Variants in SLIT3 observed in about 807,000 individuals in gnomAD.
The protein encoded by SLIT3 is slit guidance ligand 3.
Under a neutral mutation model 184.0 loss-of-function variants are expected in SLIT3, and 68 were observed. That is an observed-to-expected ratio of 0.37 (90% CI 0.30 to 0.45). The LOEUF (loss-of-function observed/expected upper bound fraction) is 0.45. SLIT3 is among the 20% of genes least tolerant of loss of function. The pLI is 1.00. For synonymous variants in SLIT3, 831 were observed against 828.6 expected, an observed-to-expected ratio of 1.00 and a Z score of -0.05; for missense variants, 1,707 against 2,026.0, an observed-to-expected ratio of 0.84 and a Z score of 3.02.
intron 4 of SLIT3, among the ~76,000 whole-genome samples, chr5:168,990,210 T>C (rs1419446084): frequency 6.6e-6 from 1 of 152,178 alleles, no homozygotes; most frequent in Non-Finnish European, 1.5e-5. Context: ...TTGCAAAGCA[T>C]AGCCACGAGC....
At chr5:168,979,345 A>T (rs1048178492) in intron 4 of SLIT3, among the ~76,000 whole-genome samples, 5 of 152,186 alleles carry the variant, frequency 3.3e-5, no homozygotes, top group Non-Finnish European at 7.3e-5. Flanking sequence ...AAGCAATGAG[A>T]AAACAAGACA....
chr5:168,926,675 A>T (rs1274343881), intron 4 of SLIT3, among the ~76,000 whole-genome samples: 1 of 152,218 alleles, frequency 6.6e-6, no homozygotes, highest in Non-Finnish European at 1.5e-5. Flanking sequence ...AAACAACATG[A>T]TTAAAAAATG....
chr5:168,959,039 G>A (rs183755027), intron 4 of SLIT3, among the ~76,000 whole-genome samples: 198 of 152,396 alleles, frequency 1.3e-3, no homozygotes, highest in Non-Finnish European at 2.2e-3. Context: ...ATGTGGCCAT[G>A]CCACCCTTCC....
At chr5:169,010,099 C>T (rs79508805) in intron 4 of SLIT3, among the ~76,000 whole-genome samples, 2,152 of 152,254 alleles carry the variant, frequency 0.014, 99 homozygotes, top group East Asian at 0.09. Context: ...AAAAGCATAG[C>T]TGGGTGCTTT....
At chr5:169,151,836 T>C (rs1762127477) in intron 4 of SLIT3, among the ~76,000 whole-genome samples, 2 of 152,174 alleles carry the variant, frequency 1.3e-5, no homozygotes, top group Non-Finnish European at 2.9e-5. Context: ...TGGTGAAGGC[T>C]TTGGAGATGC....
At chr5:168,938,098 CACA>C (rs1476562692) in intron 4 of SLIT3, among the ~76,000 whole-genome samples, 6 of 152,186 alleles carry the variant, frequency 3.9e-5, no homozygotes, top group Non-Finnish European at 1.5e-5. Context: ...ACCAATATAT[CACA>C]ACAATTTTCT....
rs77934415 is a variant in SLIT3 at position 168,869,835 on chromosome 5, A to T, written c.485+13430T>A. Among the ~76,000 whole-genome samples, 87 of 152,352 alleles carry T rather than the reference A, an allele frequency of 5.7e-4. 1 individual carries two copies. The East Asian group carries it at 0.016, about 28-fold the overall frequency. The stretch of plus-strand genomic sequence containing the variant: ...CAGACACAGTACCCAGGAACGGATC[A>T]TTGGCATTTAAAAGTAATTTAGGTT... On this transcript the variant is annotated intron_variant, in intron 5 of 35. Transcript: ENST00000519560.
At chr5:169,013,429 T>A (rs1233240094) in intron 4 of SLIT3, 2 of 152,220 alleles carry the variant, frequency 1.3e-5, no homozygotes, top group African/African-American at 2.4e-5. Context: ...GAAAACCTCT[T>A]CTGGGGGAAG....
At chr5:169,120,925 A>G (rs1163301796) in intron 4 of SLIT3, among the ~76,000 whole-genome samples, 2 of 152,128 alleles carry the variant, frequency 1.3e-5, no homozygotes, top group Non-Finnish European at 2.9e-5. Flanking sequence ...ACCCTTTCTT[A>G]TAAGCCCAGC....
intron 1 of SLIT3, among the ~76,000 whole-genome samples, chr5:169,257,325 C>T (rs1207040722): frequency 2.6e-5 from 4 of 151,842 alleles, no homozygotes. Context: ...TGAATGACTG[C>T]ATGAAACAGA....
At chr5:169,273,345 T>G (rs971335002) in intron 1 of SLIT3, among the ~76,000 whole-genome samples, 1 of 152,172 alleles carries the variant, frequency 6.6e-6, no homozygotes, top group Non-Finnish European at 1.5e-5. Context: ...GAGAGAGAGA[T>G]GATCACTCTG....
chr5:169,212,464 T>C (rs1764297697), intron 3 of SLIT3, among the ~76,000 whole-genome samples: 1 of 130,240 alleles, frequency 7.7e-6, no homozygotes, highest in Admixed American at 8.6e-5. Context: ...TTTGTTGGGG[T>C]TGTATGTTTT....
intron 5 of SLIT3, among the ~76,000 whole-genome samples, chr5:168,873,582 G>A (rs1025094682): frequency 6.6e-6 from 1 of 151,978 alleles, no homozygotes; most frequent in Non-Finnish European, 1.5e-5. Flanking sequence ...GTAAGCCAAG[G>A]TCCTGCCACT....
At chr5:168,804,741 T>C (rs1254977586) in intron 9 of SLIT3, among the ~76,000 whole-genome samples, 1 of 152,118 alleles carries the variant, frequency 6.6e-6, no homozygotes, top group Non-Finnish European at 1.5e-5. Context: ...GCTGGCAAAG[T>C]AGGTGAAGAA....
intron 2 of SLIT3, among the ~76,000 whole-genome samples, chr5:169,250,870 C>G (rs1299273175): frequency 6.6e-6 from 1 of 152,176 alleles, no homozygotes; most frequent in African/African-American, 2.4e-5. Flanking sequence ...GCAATGAAAC[C>G]TAATATTCCT....
At chr5:169,204,128 G>T (rs936750764) in intron 3 of SLIT3, among the ~76,000 whole-genome samples, 1 of 152,088 alleles carries the variant, frequency 6.6e-6, no homozygotes, top group South Asian at 2.1e-4. Flanking sequence ...CCAGTGTGGT[G>T]GGGGAGAAGC....
chr5:168,674,844 G>A (rs1761359673), intron 32 of SLIT3, among the ~76,000 whole-genome samples: 1 of 151,356 alleles, frequency 6.6e-6, no homozygotes, highest in Non-Finnish European at 1.5e-5. Flanking sequence ...GTCTCTAACA[G>A]GGCCAAGAGC....
In SLIT3 at chr5:168,795,537, G is replaced by C. The variant is rs1044581222; in HGVS notation, c.977C>G (p.Ala326Gly). ...QNSIKAIPAG[A>G]FTQYKKLKRI... ...CTTCAGTTTCTTGTACTGGGTGAAG[G>C]CTCCTGCAGGGATGGCTTTGATGGA... Residue 326 changes from alanine (A) to glycine (G), a missense_variant, in exon 10 of 36, where the codon GCC becomes GGC. By Grantham distance (60) the Ala-to-Gly change is moderately conservative. Transcript: ENST00000519560. 33 of 1,613,804 alleles carry C rather than the reference G, an allele frequency of 2.0e-5. No homozygotes were observed. Among genetic ancestry groups the C allele is most frequent in the African/African-American group, 2.7e-5 (2 of 74,924 alleles).
intron 9 of SLIT3, among the ~76,000 whole-genome samples, chr5:168,805,400 A>G (rs1392545947): frequency 1.3e-5 from 2 of 152,176 alleles, no homozygotes; most frequent in Non-Finnish European, 2.9e-5. Context: ...GGGAATATGT[A>G]TCTTTTATTT....
Sources: allele counts gnomAD v4.1 joint callset (sites outside exome capture counted in the v4.1 genomes callset), GRCh38; gene constraint gnomAD v4.1.1; transcripts MANE v1.5; gene names NCBI Gene and HGNC (gene_info 2026-07-23, HGNC 2026-07-21).